Variants in ASAP1 observed in about 807,000 individuals in gnomAD.
ASAP1 encodes the protein arf-GAP with SH3 domain, ANK repeat and PH domain-containing protein 1.
Under a neutral mutation model 145.2 loss-of-function variants are expected in ASAP1, and 43 were observed. The ratio of observed to expected loss-of-function variants is 0.30; its 90% CI spans 0.23 to 0.38. The LOEUF (loss-of-function observed/expected upper bound fraction) is 0.38, where lower values mean the gene tolerates loss of function less well. Among genes scored for constraint, ASAP1 ranks in the 10% least tolerant of loss-of-function variants. ASAP1 has a pLI of 1.00. For missense variants in ASAP1, 1,018 were observed against 1,355.3 expected, an observed-to-expected ratio of 0.75 and a Z score of 3.91; for synonymous variants, 546 against 515.5, an observed-to-expected ratio of 1.06 and a Z score of -0.80.
chr8:130,077,414 C>T (rs1044867726), intron 26 of ASAP1, among the ~76,000 whole-genome samples: 24 of 152,170 alleles, frequency 1.6e-4, no homozygotes, highest in African/African-American at 5.5e-4. Context: ...CACCAGGAGG[C>T]CTGCATGCCT....
At chr8:130,367,860 C>A (rs1269195326) in intron 2 of ASAP1, among the ~76,000 whole-genome samples, 1 of 152,188 alleles carries the variant, frequency 6.6e-6, no homozygotes, top group East Asian at 1.9e-4. Flanking sequence ...ATTTCGCCTG[C>A]AATGTATTTG....
At chr8:130,276,712 ACACACACACACACACACT>A (rs1175880403) in intron 3 of ASAP1, among the ~76,000 whole-genome samples, 13 of 129,634 alleles carry the variant, frequency 1.0e-4, no homozygotes, top group African/African-American at 1.8e-4. Context: ...ACACACACAC[ACACACACACACACACACT>A]CTCTCTCTCT....
intron 3 of ASAP1, among the ~76,000 whole-genome samples, chr8:130,265,428 C>T (rs1468745402): frequency 2.0e-5 from 3 of 151,902 alleles, no homozygotes; most frequent in African/African-American, 7.3e-5. Context: ...AAAAAAGTAA[C>T]AGGGTGTGGT....
At chr8:130,119,270 G>A (rs572256895) in intron 18 of ASAP1, among the ~76,000 whole-genome samples, 1 of 152,230 alleles carries the variant, frequency 6.6e-6, no homozygotes, top group East Asian at 1.9e-4. Context: ...TATAGGTGAG[G>A]AAACTAAGGC....
intron 13 of ASAP1, among the ~76,000 whole-genome samples, chr8:130,141,445 C>G (rs577268315): frequency 7.2e-5 from 11 of 152,272 alleles, no homozygotes; most frequent in African/African-American, 2.6e-4. Flanking sequence ...TCAGAGGAGG[C>G]GGTACCTGGC....
At chr8:130,235,033 C>A (rs1341098162) in intron 4 of ASAP1, among the ~76,000 whole-genome samples, 1 of 152,070 alleles carries the variant, frequency 6.6e-6, no homozygotes, top group East Asian at 1.9e-4. Flanking sequence ...TCCATACAAT[C>A]CCCTGCACAT....
intron 3 of ASAP1, among the ~76,000 whole-genome samples, chr8:130,302,775 G>C (rs1331266110): frequency 1.3e-5 from 2 of 152,146 alleles, no homozygotes; most frequent in Non-Finnish European, 2.9e-5. Flanking sequence ...AATCACCAGA[G>C]GACATGTACC....
At chr8:130,376,301 C>G (rs1000493894) in intron 2 of ASAP1, among the ~76,000 whole-genome samples, 2 of 152,234 alleles carry the variant, frequency 1.3e-5, no homozygotes, top group African/African-American at 4.8e-5. Context: ...GAATCCGCAT[C>G]CAGGCTGCTT....
intron 3 of ASAP1, among the ~76,000 whole-genome samples, chr8:130,332,208 G>A (rs1271514650): frequency 6.6e-6 from 1 of 152,176 alleles, no homozygotes; most frequent in Non-Finnish European, 1.5e-5. Flanking sequence ...CTTCTGCTCT[G>A]CATCTTTCTG....
rs1321190742 is a variant in ASAP1, at chr8:130,187,265, G to A, written c.501C>T (p.Asp167=). ...GVKGDLKKPF[D]KAWKDYETKF... is the part of the protein sequence containing the mutation. ...TTGTCTCATAATCTTTCCAGGCTTTGTCAAATGGCTTCTTGAGATCCTTAG... is the reference window on the plus strand; with the variant it reads ...TTGTCTCATAATCTTTCCAGGCTTTATCAAATGGCTTCTTGAGATCCTTAG... The change falls in exon 7 of 30, where the codon GAC becomes GAT. Residue 167 remains aspartate, a synonymous_variant. Transcript: ENST00000518721. 2 of 1,610,150 alleles carry A rather than the reference G, an allele frequency of 1.2e-6. No homozygotes were observed. The highest frequency in any genetic ancestry group is 4.5e-5 in the East Asian group (2 of 44,800).
At chr8:130,211,559 G>T (rs1205282217) in intron 5 of ASAP1, among the ~76,000 whole-genome samples, 1 of 152,102 alleles carries the variant, frequency 6.6e-6, no homozygotes, top group Non-Finnish European at 1.5e-5. Flanking sequence ...TTCTTACATC[G>T]AACAAATAAC....
chr8:130,399,718 T>G lies in ASAP1; in HGVS notation c.59+2167A>C, dbSNP rs1353538886. On this transcript the variant is annotated intron_variant, in intron 2 of 29. Transcript: ENST00000518721. ...ATGTGCCTACTTTATGTAAAACACT[T>G]TACATTTTTTCTAAACTACACAAAA... is the stretch of plus-strand genomic sequence containing the variant. Among the ~76,000 whole-genome samples, 5 of 152,152 alleles carry G rather than the reference T, an allele frequency of 3.3e-5. No homozygotes were observed. In the South Asian group the frequency reaches 8.3e-4, roughly 25 times the overall value.
At chr8:130,215,605 G>A (rs891160809) in intron 4 of ASAP1, among the ~76,000 whole-genome samples, 2 of 152,236 alleles carry the variant, frequency 1.3e-5, no homozygotes, top group South Asian at 4.1e-4. Flanking sequence ...TTAGCCAGGT[G>A]TAGTAGCGGG....
chr8:130,346,963 CAATG>C (rs1164318027), intron 3 of ASAP1, among the ~76,000 whole-genome samples: 1 of 152,158 alleles, frequency 6.6e-6, no homozygotes, highest in Non-Finnish European at 1.5e-5. Flanking sequence ...TGTTTCAAAA[CAATG>C]AAGACAATTT....
intron 3 of ASAP1, among the ~76,000 whole-genome samples, chr8:130,347,801 G>A (rs934879939): frequency 3.3e-5 from 5 of 152,086 alleles, no homozygotes; most frequent in African/African-American, 4.8e-5. Context: ...AATTTGGTGC[G>A]AGCTGCCTTC....
chr8:130,075,778 C>CA (rs767921782), intron 27 of ASAP1, among the ~76,000 whole-genome samples: 1 of 152,072 alleles, frequency 6.6e-6, no homozygotes, highest in East Asian at 1.9e-4. Context: ...CTTAGCTTGG[C>CA]AAAAAAACAG....
chr8:130,385,550 G>C (rs192839986), intron 2 of ASAP1, among the ~76,000 whole-genome samples: 1 of 152,202 alleles, frequency 6.6e-6, no homozygotes, highest in Admixed American at 6.5e-5. Context: ...TTTCCGACCC[G>C]TTACATGGGG....
intron 13 of ASAP1, among the ~76,000 whole-genome samples, chr8:130,139,077 T>A (rs980404705): frequency 6.6e-6 from 1 of 152,164 alleles, no homozygotes; most frequent in African/African-American, 2.4e-5. Flanking sequence ...CTTGCTACGA[T>A]ATTATGTTCC....
intron 1 of ASAP1, among the ~76,000 whole-genome samples, chr8:130,403,301 T>TTAAA (rs60441663): frequency 1.9e-4 from 29 of 151,096 alleles, no homozygotes; most frequent in African/African-American, 6.6e-4. Flanking sequence ...TGTTTTTTTT[T>TTAAA]AAAAAACCCA....
Sources: allele counts gnomAD v4.1 joint callset (sites outside exome capture counted in the v4.1 genomes callset), GRCh38; gene constraint gnomAD v4.1.1; transcripts MANE v1.5; gene names NCBI Gene and HGNC (gene_info 2026-07-23, HGNC 2026-07-21).